Variants in FAM81A observed in about 807,000 individuals in gnomAD.
The protein encoded by FAM81A is family with sequence similarity 81 member A.
A neutral mutation model predicts 46.7 loss-of-function variants in FAM81A; 19 were observed. That is an observed-to-expected ratio of 0.41 (90% CI 0.28 to 0.60). The LOEUF is 0.60. Ranked by LOEUF, FAM81A falls within the 20% of genes least tolerant of loss-of-function variation. The pLI, the probability that FAM81A is intolerant of heterozygous loss-of-function variation, is 0.34. For synonymous variants in FAM81A, 183 were observed against 152.9 expected (o/e 1.20, Z -1.45); for missense variants, 377 against 453.5 (o/e 0.83, Z 1.53).
chr15:59,465,429 T>G (rs2081600712), intron 3 of FAM81A, among the ~76,000 whole-genome samples: 1 of 152,164 alleles, frequency 6.6e-6, no homozygotes, highest in African/African-American at 2.4e-5. Context: ...CATGTCATCA[T>G]GCCAGGCTAA....
At chr15:59,416,483 A>G (rs1212937460) in intron 2 of FAM81A, among the ~76,000 whole-genome samples, 1 of 152,234 alleles carries the variant, frequency 6.6e-6, no homozygotes, top group Non-Finnish European at 1.5e-5. Context: ...GCCCTCTGGC[A>G]GAGAAGCCGT....
chr15:59,490,705 G>T (rs2081971596), intron 3 of FAM81A, among the ~76,000 whole-genome samples: 1 of 152,142 alleles, frequency 6.6e-6, no homozygotes, highest in African/African-American at 2.4e-5. Context: ...GCATGGTGAT[G>T]CATGCCTGTA....
chr15:59,407,481 G>A (rs1356815516), intron 2 of FAM81A, among the ~76,000 whole-genome samples: 1 of 151,882 alleles, frequency 6.6e-6, no homozygotes, highest in Non-Finnish European at 1.5e-5. Context: ...ATTTTTAGTA[G>A]AGACGGGGTT....
At chr15:59,441,690 G>C (rs773698691) in intron 1 of FAM81A, among the ~76,000 whole-genome samples, 2 of 152,182 alleles carry the variant, frequency 1.3e-5, no homozygotes, top group African/African-American at 4.8e-5. Context: ...CCTGCCCTGC[G>C]TCTCCTGGCA....
At chr15:59,486,752 A>C (rs1436855477) in intron 3 of FAM81A, among the ~76,000 whole-genome samples, 2 of 152,156 alleles carry the variant, frequency 1.3e-5, no homozygotes, top group Non-Finnish European at 2.9e-5. Flanking sequence ...GGAAAAAAAA[A>C]CTTAGCATAA....
chr15:59,496,482 G>A (rs968378185), intron 4 of FAM81A, among the ~76,000 whole-genome samples: 3 of 152,166 alleles, frequency 2.0e-5, no homozygotes, highest in Admixed American at 2.0e-4. Context: ...GCCTGCGCCT[G>A]TAGTCCCAGC....
chr15:59,436,519 C>T (rs538402412), upstream of FAM81A, among the ~76,000 whole-genome samples: 1 of 152,158 alleles, frequency 6.6e-6, no homozygotes, highest in Admixed American at 6.5e-5. Flanking sequence ...TGAAAGGCAC[C>T]CCGATGGAGA....
intron 1 of FAM81A, among the ~76,000 whole-genome samples, chr15:59,442,258 T>C (rs1317674174): frequency 2.0e-5 from 3 of 152,188 alleles, no homozygotes; most frequent in Non-Finnish European, 4.4e-5. Flanking sequence ...CTTCCTGGCT[T>C]CTGTAATCAT....
intron 2 of FAM81A, among the ~76,000 whole-genome samples, chr15:59,423,154 G>A (rs1255643246): frequency 6.6e-6 from 1 of 152,150 alleles, no homozygotes; most frequent in Non-Finnish European, 1.5e-5. Flanking sequence ...CTGGAGTGCA[G>A]TGGCGCGATC....
At chr15:59,498,475 A>G (rs76050547) in intron 4 of FAM81A, among the ~76,000 whole-genome samples, 3,532 of 152,316 alleles carry the variant, frequency 0.023, 48 homozygotes, top group Non-Finnish European at 0.031. Flanking sequence ...GCAAATAAAG[A>G]TAGTTTTACT....
intron 8 of FAM81A, among the ~76,000 whole-genome samples, chr15:59,518,108 G>T (rs541529219): frequency 6.6e-6 from 1 of 151,020 alleles, no homozygotes; most frequent in East Asian, 1.9e-4. Flanking sequence ...GAGTAGCTGG[G>T]ATTACAGGCG....
At position 59,400,396 on chromosome 15, in the gene FAM81A, TACTATC is replaced by T. The variant is rs535778826; in HGVS notation, c.-160-1878_-160-1873del. ...CTGCACCCCGCACACTAGCCCAAGCTACTATCATCCTCTCCCGATCATAGCAGTGGT... is the reference window on the plus strand; with the variant it reads ...CTGCACCCCGCACACTAGCCCAAGCTATCCTCTCCCGATCATAGCAGTGGT... On this transcript the variant is annotated intron_variant, in intron 1 of 4. Transcript: ENST00000558348. Among the ~76,000 whole-genome samples the T allele has an allele frequency of 2.0e-3, 303 of 152,242 alleles. 1 individual carries two copies. The highest frequency in any genetic ancestry group is 7.1e-3 in the African/African-American group (295 of 41,534).
rs1418091657 is a variant in FAM81A, at chr15:59,492,404, G to T, written c.413+15G>T. 6.2e-7 allele frequency: 1 copy of T among 1,601,160 alleles called. No homozygotes were observed. The highest frequency in any genetic ancestry group is 1.7e-4 in the Middle Eastern group (1 of 6,036). On this transcript the variant is annotated intron_variant, in intron 4 of 8. Coordinates refer to ENST00000288228, the MANE Select transcript of FAM81A (RefSeq NM_152450.3). Reference sequence around the variant, plus strand: ...AGAGTGGCAAGGTAGGTGTTCAAATGTTGGGGTCTCTGCTCATCAAAAACC... The same window carrying T: ...AGAGTGGCAAGGTAGGTGTTCAAATTTTGGGGTCTCTGCTCATCAAAAACC...
chr15:59,511,452 T>C (rs969860648), intron 6 of FAM81A, among the ~76,000 whole-genome samples: 3 of 152,138 alleles, frequency 2.0e-5, no homozygotes, highest in African/African-American at 7.2e-5. Context: ...CGGGTTCACA[T>C]CAGATATGTG....
intron 4 of FAM81A, among the ~76,000 whole-genome samples, chr15:59,493,889 C>T (rs1433795467): frequency 3.9e-5 from 6 of 151,994 alleles, no homozygotes; most frequent in Non-Finnish European, 8.8e-5. Flanking sequence ...CGCCCGGCCT[C>T]CTCCTTCTTT....
chr15:59,430,667 A>T (rs1179153118), intron 2 of FAM81A, among the ~76,000 whole-genome samples: 1 of 152,204 alleles, frequency 6.6e-6, no homozygotes, highest in Admixed American at 6.5e-5. Flanking sequence ...AATGTCACTC[A>T]TTGCTTTAGA....
chr15:59,443,691 C>G (rs1189786922), intron 1 of FAM81A, among the ~76,000 whole-genome samples: 1 of 152,192 alleles, frequency 6.6e-6, no homozygotes, highest in Non-Finnish European at 1.5e-5. Context: ...TTCTGACTTT[C>G]TGTTCCTTGC....
intron 2 of FAM81A, among the ~76,000 whole-genome samples, chr15:59,426,991 A>T (rs1372466570): frequency 6.6e-6 from 1 of 152,228 alleles, no homozygotes; most frequent in African/African-American, 2.4e-5. Context: ...AAGCTTTCTG[A>T]CAGAACTGTA....
intron 1 of FAM81A, chr15:59,446,448 C>T (rs1363309295): frequency 1.3e-5 from 2 of 152,228 alleles, no homozygotes; most frequent in Non-Finnish European, 2.9e-5. Context: ...CGCCTCCCTT[C>T]AGTTATGCAG....
Sources: allele counts gnomAD v4.1 joint callset (sites outside exome capture counted in the v4.1 genomes callset), GRCh38; gene constraint gnomAD v4.1.1; transcripts MANE v1.5; gene names NCBI Gene and HGNC (gene_info 2026-07-23, HGNC 2026-07-21).